The following LIPA variants were observed in gnomAD, a reference collection of about 807,000 sequenced individuals.
LIPA encodes the protein lipase A, lysosomal acid type.
LIPA carries 26 observed loss-of-function variants against 40.6 expected under a neutral mutation model. The observed-to-expected ratio is 0.64, with a 90% CI of 0.47 to 0.89. LIPA has a LOEUF of 0.89. LIPA is among the 40% of genes least tolerant of loss of function. The probability of loss-of-function intolerance (pLI) is 0.00; values close to 1 mark genes in which losing one functional copy is unlikely to be tolerated. For synonymous variants in LIPA, 188 were observed against 168.4 expected (o/e 1.12, Z -0.90); for missense variants, 455 against 479.6 (o/e 0.95, Z 0.48).
At position 89,330,744 on chromosome 10, in the gene LIPA, CTT is replaced by C. The variant is rs1197359073; in HGVS notation, c.-2+11865_-2+11866del. Among the ~76,000 whole-genome samples, 5 of 91,068 alleles carry C rather than the reference CTT, an allele frequency of 5.5e-5. No homozygotes were observed. In the East Asian group the frequency reaches 5.0e-3, roughly 92 times the overall value. The allele number at this position is 91,068 out of a possible 152,430, so 59.7% of individuals were successfully genotyped here. A position where few individuals can be genotyped will look rare whatever the true frequency, so the allele number is the denominator to read the frequency against. On this transcript the variant is annotated intron_variant, in intron 1 of 5. Transcript: ENST00000282673. ...TCCAGGTGTCCTGTGGTTTTCTTCCCTTCACTCAAGATGCCTGATAATGCTGC... is the reference window on the plus strand; with the variant it reads ...TCCAGGTGTCCTGTGGTTTTCTTCCCCACTCAAGATGCCTGATAATGCTGC...
intron 1 of LIPA, among the ~76,000 whole-genome samples, chr10:89,290,777 G>A (rs1389354889): frequency 1.3e-5 from 2 of 152,002 alleles, no homozygotes; most frequent in South Asian, 2.1e-4. Flanking sequence ...AAACGGCCCC[G>A]GCCCTATCTC....
chr10:89,391,886 T>C (rs1447737028), intron 2 of LIPA, among the ~76,000 whole-genome samples: 2 of 152,190 alleles, frequency 1.3e-5, no homozygotes, highest in Admixed American at 6.5e-5. Context: ...TTACCACTTA[T>C]TTGCATGCTT....
intron 9 of LIPA, among the ~76,000 whole-genome samples, chr10:89,215,360 C>T (rs4509676): frequency 9.9e-5 from 15 of 152,266 alleles, no homozygotes; most frequent in Non-Finnish European, 2.1e-4. Flanking sequence ...ATAGGTAGTA[C>T]ACTCAAGGCA....
At position 89,269,186 on chromosome 10, in the gene LIPA, T is replaced by G. The variant is rs1166955549; in HGVS notation, c.-1-21537A>C. ...CTAAAAAATACAAAAAAAAATTAGC[T>G]GGGCGTGGTGGCGCATGCCTGTAGT... On this transcript the variant is annotated intron_variant, in intron 1 of 5. Coordinates refer to the LIPA transcript ENST00000282673. 2.0e-5 allele frequency among the ~76,000 whole-genome samples: 3 copies of G among 150,538 alleles called. No homozygotes were observed. The East Asian group carries it at 5.9e-4, about 29-fold the overall frequency.
upstream of LIPA, among the ~76,000 whole-genome samples, chr10:89,255,726 A>G (rs1364361386): frequency 2.6e-5 from 4 of 152,198 alleles, no homozygotes; most frequent in Non-Finnish European, 5.9e-5. Context: ...GAATGGACAA[A>G]CTACCAGGAA....
intron 1 of LIPA, chr10:89,306,504 AC>A (rs1195627058): frequency 1.2e-6 from 2 of 1,613,994 alleles, no homozygotes; most frequent in African/African-American, 2.7e-5. Context: ...ATAGCAAGCT[AC>A]CGTCTGGACA....
At chr10:89,295,225 G>T (rs568941140) in intron 1 of LIPA, among the ~76,000 whole-genome samples, 1 of 152,214 alleles carries the variant, frequency 6.6e-6, no homozygotes, top group South Asian at 2.1e-4. Context: ...TCAAATTACA[G>T]CCCATTGTGG....
At chr10:89,290,862 C>G (rs1271289590) in intron 1 of LIPA, among the ~76,000 whole-genome samples, 1 of 152,196 alleles carries the variant, frequency 6.6e-6, no homozygotes, top group Non-Finnish European at 1.5e-5. Flanking sequence ...TCACACAAAG[C>G]CTGTTTGGTG....
intron 2 of LIPA, among the ~76,000 whole-genome samples, chr10:89,374,141 A>C (rs1295250055): frequency 6.6e-6 from 1 of 152,202 alleles, no homozygotes; most frequent in Non-Finnish European, 1.5e-5. Flanking sequence ...CTGATGAGGA[A>C]ACTCAGTGTT....
intron 1 of LIPA, among the ~76,000 whole-genome samples, chr10:89,319,143 A>T (rs980604962): frequency 1.3e-5 from 2 of 152,248 alleles, no homozygotes; most frequent in African/African-American, 4.8e-5. Context: ...TAATATTACA[A>T]TTAAAAGAAC....
chr10:89,254,792 C>A (rs940123859), upstream of LIPA, among the ~76,000 whole-genome samples: 1 of 152,184 alleles, frequency 6.6e-6, no homozygotes, highest in Admixed American at 6.5e-5. Context: ...TTAGAAATTT[C>A]TTCCCCCAGA....
chr10:89,346,153 G>T (rs1843919193), upstream of LIPA, among the ~76,000 whole-genome samples: 1 of 152,168 alleles, frequency 6.6e-6, no homozygotes, highest in Non-Finnish European at 1.5e-5. Flanking sequence ...ATAATTGTCA[G>T]CCTATAATTT....
chr10:89,398,318 T>C (rs1178071332), intron 2 of LIPA, among the ~76,000 whole-genome samples: 3 of 152,210 alleles, frequency 2.0e-5, no homozygotes, highest in Admixed American at 2.0e-4. Flanking sequence ...TCCACATGCG[T>C]GATGTTCCCT....
upstream of LIPA, among the ~76,000 whole-genome samples, chr10:89,344,978 C>T (rs1843906231): frequency 6.6e-6 from 1 of 151,850 alleles, no homozygotes; most frequent in Non-Finnish European, 1.5e-5. Context: ...ACCAGCCTGG[C>T]CAACATGGTA....
intron 2 of LIPA, among the ~76,000 whole-genome samples, chr10:89,368,391 C>A (rs74927702): frequency 0.017 from 2,618 of 152,272 alleles, 86 homozygotes; most frequent in African/African-American, 0.059. Flanking sequence ...TTAGCCCAAA[C>A]AGATCAGAAT....
In LIPA at chr10:89,374,308, GT is replaced by G. The variant is rs964450539; in HGVS notation, c.61+38482del. On this transcript the variant is annotated intron_variant, in intron 2 of 8. Coordinates refer to the LIPA transcript ENST00000371837. ...TGAGTTTCCCTCTCTAGTTTCCATT[GT>G]TTTTTTCCTATTTGTAGACACAGAC... 8.6e-4 allele frequency among the ~76,000 whole-genome samples: 131 copies of G among 152,054 alleles called. 1 individual carries two copies. Among genetic ancestry groups the G allele is most frequent in the African/African-American group, 3.1e-3 (128 of 41,432 alleles).
At position 89,392,583 on chromosome 10, in the gene LIPA, T is replaced by C. The variant is rs1844271982; in HGVS notation, c.61+20208A>G. The C allele has an allele frequency of 8.4e-6, 8 of 956,122 alleles. No individual in the cohort carries two copies. In the Admixed American group the frequency reaches 1.6e-4, roughly 19 times the overall value. 59.2% of individuals were successfully genotyped at this position (956,122 alleles called of 1,614,324 possible). A position where few individuals can be genotyped will look rare whatever the true frequency, so the allele number is the denominator to read the frequency against. On this transcript the variant is annotated intron_variant, in intron 2 of 8. Transcript: ENST00000371837. ...CCACAGCTTACACCATTGGCTGCTG[T>C]TTAGCTCCCTTATATAACACTGTCT...
intron 2 of LIPA, chr10:89,392,562 A>G (rs542006793): frequency 1.1e-5 from 6 of 549,800 alleles, no homozygotes; most frequent in Admixed American, 1.0e-4. Flanking sequence ...ACACACCCAC[A>G]GCTTACACCA....
chr10:89,351,782 C>G (rs185934529), intron 2 of LIPA, among the ~76,000 whole-genome samples: 1 of 152,142 alleles, frequency 6.6e-6, no homozygotes, highest in Admixed American at 6.5e-5. Context: ...TCTTAATTGA[C>G]CCACTCAAAA....
Sources: gnomAD v4.1 joint callset for allele counts (sites outside exome capture counted in the v4.1 genomes callset) on GRCh38, gnomAD v4.1.1 for gene constraint, MANE v1.5 for transcripts, NCBI Gene and HGNC (gene_info 2026-07-23, HGNC 2026-07-21) for gene names.